The following CD47 variants were observed in gnomAD, a reference collection of about 807,000 sequenced individuals.
The protein encoded by CD47 is CD47 molecule, also known as leukocyte surface antigen CD47.
Under a neutral mutation model 44.6 loss-of-function variants are expected in CD47, and 11 were observed. The observed-to-expected ratio is 0.25, with a 90% CI of 0.16 to 0.41. The LOEUF (loss-of-function observed/expected upper bound fraction) is 0.41. Among genes scored for constraint, CD47 ranks in the 10% least tolerant of loss-of-function variants. The pLI, the probability that CD47 is intolerant of heterozygous loss-of-function variation, is 1.00. For missense variants in CD47, 306 were observed against 386.7 expected, an observed-to-expected ratio of 0.79 and a Z score of 1.75; for synonymous variants, 140 against 136.3, an observed-to-expected ratio of 1.03 and a Z score of -0.19.
At chr3:108,060,544 A>C (rs925733548) in intron 4 of CD47, among the ~76,000 whole-genome samples, 3 of 152,230 alleles carry the variant, frequency 2.0e-5, no homozygotes, top group Non-Finnish European at 4.4e-5. Flanking sequence ...TCTTCCATAC[A>C]GCCTTGAGAG....
chr3:108,077,730 A>T (rs1215126943), intron 2 of CD47, among the ~76,000 whole-genome samples: 1 of 152,144 alleles, frequency 6.6e-6, no homozygotes, highest in Admixed American at 6.6e-5. Flanking sequence ...AAGTAAGGAA[A>T]AAAGAACTAT....
At chr3:108,066,478 A>G (rs183072273) in intron 3 of CD47, among the ~76,000 whole-genome samples, 1 of 152,348 alleles carries the variant, frequency 6.6e-6, no homozygotes, top group Admixed American at 6.5e-5. Context: ...TGTAAATAGC[A>G]GATGTCCCAT....
chr3:108,088,803 A>G (rs2079572363), intron 1 of CD47, among the ~76,000 whole-genome samples: 1 of 152,238 alleles, frequency 6.6e-6, no homozygotes, highest in African/African-American at 2.4e-5. Context: ...AATGCAACAT[A>G]GTAATTCATT....
At chr3:108,063,087 C>A (rs2079044307) in intron 3 of CD47, among the ~76,000 whole-genome samples, 1 of 152,108 alleles carries the variant, frequency 6.6e-6, no homozygotes, top group Non-Finnish European at 1.5e-5. Flanking sequence ...AAAATACTAC[C>A]ATAGACAGGG....
chr3:108,082,470 T>C (rs1163323644), intron 1 of CD47, among the ~76,000 whole-genome samples: 1 of 152,078 alleles, frequency 6.6e-6, no homozygotes, highest in South Asian at 2.1e-4. Flanking sequence ...CCTATAAATG[T>C]GTCTGTTTTT....
chr3:108,083,685 G>A (rs548553180), intron 1 of CD47, among the ~76,000 whole-genome samples: 3 of 151,966 alleles, frequency 2.0e-5, no homozygotes, highest in Admixed American at 2.0e-4. Context: ...CTGCTCCTCC[G>A]GGCCTTCAAT....
chr3:108,047,514 A>C (rs41267009), intron 10 of CD47, among the ~76,000 whole-genome samples: 1 of 152,214 alleles, frequency 6.6e-6, no homozygotes, highest in Non-Finnish European at 1.5e-5. Context: ...AGAGTCTGAT[A>C]ATCTCTGTTT....
intron 7 of CD47, chr3:108,055,445 G>T: frequency 1.2e-6 from 1 of 818,658 alleles, no homozygotes; most frequent in Non-Finnish European, 1.8e-6. Flanking sequence ...GATTTACACA[G>T]TCAGATTATA....
Position 108,057,512 on chromosome 3 carries a change from G to T in CD47, c.842C>A (p.Ala281Glu). The change falls in exon 7 of 11, where the codon GCA becomes GAA. Residue 281 changes from alanine (A) to glutamate (E), a missense_variant. By Grantham distance (107) the Ala-to-Glu change is moderately radical (BLOSUM62 -1). Coordinates refer to ENST00000361309, the MANE Select transcript of CD47 (RefSeq NM_001777.4). Reference protein sequence around the residue: ...LISGLSILALAQLLGLVYMKF... With the variant: ...LISGLSILALEQLLGLVYMKF... Reference sequence around the variant, plus strand: ...CATATAAACTAGTCCAAGTAATTGTGCTAGAGCTAAGATACTCAAACCTGA... The same window carrying T: ...CATATAAACTAGTCCAAGTAATTGTTCTAGAGCTAAGATACTCAAACCTGA... The T allele has an allele frequency of 1.9e-6, 3 of 1,574,318 alleles. No individual in the cohort carries two copies. The highest frequency in any genetic ancestry group is 2.6e-6 in the Non-Finnish European group (3 of 1,144,222).
At chr3:108,048,425 C>T (rs970435867) in intron 10 of CD47, among the ~76,000 whole-genome samples, 1 of 129,628 alleles carries the variant, frequency 7.7e-6, no homozygotes, top group African/African-American at 2.9e-5. Context: ...TGCTCTGTCA[C>T]CCAGGCTGGA....
rs964351692 is a variant in CD47 at position 108,080,040 on chromosome 3, T to C, written c.351A>G (p.Thr117=). 1 of 1,612,638 alleles carries C rather than the reference T, an allele frequency of 6.2e-7. No individual in the cohort carries two copies. The highest frequency in any genetic ancestry group is 8.5e-7 in the Non-Finnish European group (1 of 1,179,078). The change falls in exon 2 of 11, where the codon ACA becomes ACG. Residue 117 remains threonine, a synonymous_variant. Transcript: ENST00000361309. ...SHTGNYTCEV[T]ELTREGETII... ...TCGTTTCACCTTCTCTGGTTAATTCTGTTACTTCACAAGTGTAGTTTCCTG... is the reference window on the plus strand; with the variant it reads ...TCGTTTCACCTTCTCTGGTTAATTCCGTTACTTCACAAGTGTAGTTTCCTG...
In CD47 at chr3:108,090,588, T is replaced by C. The variant is rs1012707186; in HGVS notation, c.46+275A>G. Among the ~76,000 whole-genome samples the C allele has an allele frequency of 8.6e-5, 13 of 151,174 alleles. 1 individual carries two copies. The East Asian group carries it at 2.0e-3, about 23-fold the overall frequency. ...GTGCGCGGTTTGGAGTCTTCCTGTG[T>C]GTGTGCATTTGGAGATGGAGAACCG... On this transcript the variant is annotated intron_variant, in intron 1 of 10. Coordinates refer to ENST00000361309, the MANE Select transcript of CD47 (RefSeq NM_001777.4).
intron 3 of CD47, among the ~76,000 whole-genome samples, chr3:108,066,145 T>A (rs942843024): frequency 2.0e-5 from 3 of 152,204 alleles, no homozygotes; most frequent in African/African-American, 7.2e-5. Context: ...GAGAACTTTT[T>A]TCCTTGAATT....
chr3:108,060,245 A>G (rs187051052), intron 4 of CD47, among the ~76,000 whole-genome samples: 1 of 152,350 alleles, frequency 6.6e-6, no homozygotes, highest in African/African-American at 2.4e-5. Context: ...CTAATACAGC[A>G]AAAGAGTGAA....
chr3:108,090,420 C>G (rs985479881), intron 1 of CD47, among the ~76,000 whole-genome samples: 1 of 152,204 alleles, frequency 6.6e-6, no homozygotes, highest in Non-Finnish European at 1.5e-5. Flanking sequence ...GCAAGAGGCC[C>G]GGGCCCTCCC....
At chr3:108,090,813 CG>C (rs1299643721) in intron 1 of CD47, 49 bp downstream of exon 1, 2 of 1,445,896 alleles carry the variant, frequency 1.4e-6, no homozygotes, top group Non-Finnish European at 1.8e-6. Flanking sequence ...CACACGCCCG[CG>C]GGGGCGAAGC....
chr3:108,090,873 C>A lies in CD47; in HGVS notation c.36G>T (p.Ser12=), dbSNP rs778628227. 4 of 1,493,298 alleles carry A rather than the reference C, an allele frequency of 2.7e-6. No individual in the cohort carries two copies. The highest frequency in any genetic ancestry group is 1.2e-5 in the South Asian group (1 of 80,236). The allele number at this position is 1,493,298 out of a possible 1,614,324, so 92.5% of individuals were successfully genotyped here. Reference sequence around the variant, plus strand: ...CGAGGAGCCACTCACCGCAGCACGCCGAGCCCAGCAACAGCGCCGCTACCA... The same window carrying A: ...CGAGGAGCCACTCACCGCAGCACGCAGAGCCCAGCAACAGCGCCGCTACCA... ...WPLVAALLLG[S]ACCGSAQLLF... The change falls in exon 1 of 11, where the codon TCG becomes TCT. Residue 12 remains serine (S), a synonymous_variant. Coordinates refer to ENST00000361309, the MANE Select transcript of CD47 (RefSeq NM_001777.4).
intron 10 of CD47, 37 bp from the exon 11 acceptor site, chr3:108,047,329 G>A (rs746010590): frequency 2.6e-5 from 40 of 1,556,624 alleles, no homozygotes; most frequent in East Asian, 2.0e-4. Flanking sequence ...ATCACTATTC[G>A]TGTCTATTTT....
chr3:108,048,385 T>TG (rs1328201938), intron 10 of CD47, among the ~76,000 whole-genome samples: 2 of 139,516 alleles, frequency 1.4e-5, no homozygotes, highest in African/African-American at 2.7e-5. Flanking sequence ...TTTTTTTTTT[T>TG]TTTTTTTTTT....
Sources: gnomAD v4.1 joint callset for allele counts (sites outside exome capture counted in the v4.1 genomes callset) on GRCh38, gnomAD v4.1.1 for gene constraint, MANE v1.5 for transcripts, NCBI Gene and HGNC (gene_info 2026-07-23, HGNC 2026-07-21) for gene names.